Variants in MSL2 observed in about 807,000 individuals in gnomAD.
The protein encoded by MSL2 is MSL complex subunit 2.
MSL2 carries 2 observed loss-of-function variants against 35.8 expected under a neutral mutation model. That is an observed-to-expected ratio of 0.06 (90% confidence interval 0.02 to 0.18). MSL2 has a LOEUF of 0.18. Among genes scored for constraint, MSL2 ranks in the 10% least tolerant of loss-of-function variants. The pLI, the probability that MSL2 is intolerant of heterozygous loss-of-function variation, is 1.00. For synonymous variants in MSL2, 296 were observed against 255.7 expected (o/e 1.16, Z -1.50); for missense variants, 523 against 706.7 (o/e 0.74, Z 2.95).
At position 136,170,795 on chromosome 3, in the gene MSL2, G is replaced by T. The variant is rs992556973; in HGVS notation, c.143-18057C>A. Reference sequence around the variant, plus strand: ...TGGGATTACAGGCGTGAGCCACTGTGCCCAGCCTGTCCATATTTTTAAATA... The same window carrying T: ...TGGGATTACAGGCGTGAGCCACTGTTCCCAGCCTGTCCATATTTTTAAATA... On this transcript the variant is annotated intron_variant, in intron 1 of 1. Coordinates refer to ENST00000309993, the MANE Select transcript of MSL2 (RefSeq NM_018133.4). Among the ~76,000 whole-genome samples, 5 of 152,164 alleles carry T rather than the reference G, an allele frequency of 3.3e-5. No individual in the cohort carries two copies. The East Asian group carries it at 7.7e-4, about 24-fold the overall frequency.
At chr3:136,189,106 TACAAAAAAAA>T (rs1553768105) in intron 1 of MSL2, among the ~76,000 whole-genome samples, 1 of 17,130 alleles carries the variant, frequency 5.8e-5, no homozygotes, top group African/African-American at 3.1e-4. Flanking sequence ...ACCCTGTCTC[TACAAAAAAAA>T]AAAAAAAAAA....
At chr3:136,184,413 C>CA (rs1041571426) in intron 1 of MSL2, among the ~76,000 whole-genome samples, 3 of 151,244 alleles carry the variant, frequency 2.0e-5, no homozygotes, top group African/African-American at 7.3e-5. Flanking sequence ...CCAGCCTGGC[C>CA]AACATGGTGA....
In MSL2 at chr3:136,194,490, C is replaced by A. The variant is rs1254591113; in HGVS notation, c.142+482G>T. ...TTGTGGAGGAACCTGGGGCAAAGTTCCGCGCCGGGTTCTCCAGCTGTGGGT... is the reference window on the plus strand; with the variant it reads ...TTGTGGAGGAACCTGGGGCAAAGTTACGCGCCGGGTTCTCCAGCTGTGGGT... On this transcript the variant is annotated intron_variant, in intron 1 of 1. Transcript: ENST00000309993. 3.0e-6 allele frequency: 3 copies of A among 984,116 alleles called. No individual in the cohort carries two copies. In the Admixed American group the frequency reaches 1.8e-4, roughly 61 times the overall value. 61.0% of individuals were successfully genotyped at this position (984,116 alleles called of 1,614,324 possible).
chr3:136,187,683 A>T (rs562542641), intron 1 of MSL2, among the ~76,000 whole-genome samples: 97 of 151,018 alleles, frequency 6.4e-4, no homozygotes, highest in Non-Finnish European at 1.0e-3. Flanking sequence ...AAAAAAAAAA[A>T]TTTTTTTTGA....
chr3:136,160,255 G>T (rs1192205204), intron 1 of MSL2, among the ~76,000 whole-genome samples: 33 of 128,746 alleles, frequency 2.6e-4, no homozygotes, highest in African/African-American at 9.8e-4. Flanking sequence ...CAGCTTGGGC[G>T]ACAGAGAAAG....
rs1940805668 is a variant in MSL2, at chr3:136,195,364, T to A, written c.-251A>T. 1 of 1,251,954 alleles carries A rather than the reference T, an allele frequency of 8.0e-7. No homozygotes were observed. The highest frequency in any genetic ancestry group is 2.0e-5 in the South Asian group (1 of 50,836). 77.6% of individuals were successfully genotyped at this position (1,251,954 alleles called of 1,614,324 possible). On this transcript the variant is annotated 5_prime_UTR_variant, in exon 1 of 2. Coordinates refer to ENST00000309993, the MANE Select transcript of MSL2 (RefSeq NM_018133.4). ...TATGAGAGAGAAACCAGCGTTCGAG[T>A]TCGTCCGGAGCGACCACAGAGCGCA...
At chr3:136,193,768 C>G (rs374533072) in intron 1 of MSL2, among the ~76,000 whole-genome samples, 2 of 152,138 alleles carry the variant, frequency 1.3e-5, no homozygotes, top group African/African-American at 4.8e-5. Context: ...CCCTGGGCGA[C>G]TATTCCTCTA....
At chr3:136,180,302 A>G (rs901490604) in intron 1 of MSL2, among the ~76,000 whole-genome samples, 4 of 152,196 alleles carry the variant, frequency 2.6e-5, no homozygotes, top group Admixed American at 2.6e-4. Flanking sequence ...CAAATAACAC[A>G]TTCCAAGTAT....
chr3:136,171,173 A>G (rs1025691589), intron 1 of MSL2, among the ~76,000 whole-genome samples: 7 of 152,210 alleles, frequency 4.6e-5, no homozygotes, highest in African/African-American at 1.7e-4. Context: ...TGCTGTTTCA[A>G]ATCAAAAGGA....
In MSL2 at chr3:136,152,457, C is replaced by T; in HGVS notation, c.424G>A (p.Glu142Lys). The T allele has an allele frequency of 6.2e-7, 1 of 1,614,154 alleles. No homozygotes were observed. The highest frequency in any genetic ancestry group is 8.5e-7 in the Non-Finnish European group (1 of 1,180,022). ...GATGAATCTGAGGGTTTTTCTGTCT[C>T]CTCACAAAACAATGATCCATCATTA... Reference protein sequence around the residue: ...LLNDGSLFCEETEKPSDSSFT... With the variant: ...LLNDGSLFCEKTEKPSDSSFT... The change falls in exon 2 of 2, where the codon GAG becomes AAG. Residue 142 changes from glutamate to lysine, a missense_variant. Physicochemically the swap from Glu to Lys is moderately conservative, Grantham distance 56. Around this residue, in one of 5 missense-constraint regions of MSL2, gnomAD observed 361 missense variants for 414.6 expected, o/e 0.87. Transcript: ENST00000309993.
At chr3:136,191,326 G>A (rs960748442) in intron 1 of MSL2, among the ~76,000 whole-genome samples, 1 of 152,044 alleles carries the variant, frequency 6.6e-6, no homozygotes, top group Non-Finnish European at 1.5e-5. Flanking sequence ...AATTAGCTGG[G>A]TGTGGTGGCG....
chr3:136,179,720 A>T (rs1940281733), intron 1 of MSL2, among the ~76,000 whole-genome samples: 1 of 152,222 alleles, frequency 6.6e-6, no homozygotes. Context: ...ATACAAAGAC[A>T]ATTTTATCTA....
intron 1 of MSL2, among the ~76,000 whole-genome samples, chr3:136,162,069 C>T (rs185787986): frequency 1.9e-3 from 281 of 151,890 alleles, no homozygotes; most frequent in African/African-American, 6.0e-3. Flanking sequence ...TCCCGAGTAG[C>T]TGGGATTTAC....
chr3:136,178,466 A>T (rs937760268), intron 1 of MSL2, among the ~76,000 whole-genome samples: 8 of 151,902 alleles, frequency 5.3e-5, no homozygotes, highest in African/African-American at 1.9e-4. Context: ...ATACATTAGC[A>T]TCTTAAAACT....
chr3:136,193,193 G>T lies in MSL2; in HGVS notation c.142+1779C>A, dbSNP rs566426273. ...TTTAATTCCATTATTTAAAGTCCAG[G>T]TTAGAACTTGGGAAAATGTTCAATT... On this transcript the variant is annotated intron_variant, in intron 1 of 1. Coordinates refer to ENST00000309993, the MANE Select transcript of MSL2 (RefSeq NM_018133.4). Among the ~76,000 whole-genome samples, 3 of 152,258 alleles carry T rather than the reference G, an allele frequency of 2.0e-5. No individual in the cohort carries two copies. The South Asian group carries it at 6.2e-4, about 32-fold the overall frequency.
chr3:136,194,688 T>C (rs1370474543), intron 1 of MSL2: 1 of 354,262 alleles, frequency 2.8e-6, no homozygotes, highest in South Asian at 3.8e-5. Context: ...GCCTTGTGCA[T>C]GCATCTTACC....
rs1221153484 is a variant in MSL2, at chr3:136,150,629, A to G, written c.*518T>C. 2 of 155,536 alleles carry G rather than the reference A, an allele frequency of 1.3e-5. No homozygotes were observed. The highest frequency in any genetic ancestry group is 2.4e-5 in the African/African-American group (1 of 41,468). The allele number at this position is 155,536 out of a possible 1,614,324, so 9.6% of individuals were successfully genotyped here. ...GAACTGCTACATACACCAGTAGCCA[A>G]TATTTCATGATCAGAAATGGTATGA... On this transcript the variant is annotated 3_prime_UTR_variant, in exon 2 of 2. Transcript: ENST00000309993.
At chr3:136,162,302 G>A (rs928579130) in intron 1 of MSL2, among the ~76,000 whole-genome samples, 1 of 150,240 alleles carries the variant, frequency 6.7e-6, no homozygotes, top group African/African-American at 2.4e-5. Context: ...GGGCTACCAG[G>A]CCAGGTGTGG....
At chr3:136,186,787 G>A (rs1015154337) in intron 1 of MSL2, among the ~76,000 whole-genome samples, 5 of 152,112 alleles carry the variant, frequency 3.3e-5, no homozygotes, top group African/African-American at 1.2e-4. Flanking sequence ...TAGAAATAAA[G>A]TGCACAATAA....
Sources: allele counts gnomAD v4.1 joint callset (sites outside exome capture counted in the v4.1 genomes callset), GRCh38; gene constraint gnomAD v4.1.1; regional missense constraint gnomAD v4.1.1; transcripts MANE v1.5; gene names NCBI Gene and HGNC (gene_info 2026-07-23, HGNC 2026-07-21).